CSMD2: variants seen among roughly 807,000 people sequenced by gnomAD.
CSMD2 encodes CUB and Sushi multiple domains 2.
CSMD2 carries 130 observed loss-of-function variants against 398.5 expected under a neutral mutation model. That is an observed-to-expected ratio of 0.33 (90% CI 0.28 to 0.38). The LOEUF (loss-of-function observed/expected upper bound fraction) is 0.38, where lower values mean the gene tolerates loss of function less well. Among genes scored for constraint, CSMD2 ranks in the 10% least tolerant of loss-of-function variants. The pLI, the probability that CSMD2 is intolerant of heterozygous loss-of-function variation, is 1.00. For missense variants in CSMD2, 3,829 were observed against 4,764.9 expected (o/e 0.80, Z 5.78); for synonymous variants, 1,828 against 1,908.5 (o/e 0.96, Z 1.10).
Position 34,040,665 on chromosome 1 carries a change from G to A in CSMD2, c.405-7959C>T, listed in dbSNP as rs142695938. Among the ~76,000 whole-genome samples, 884 of 152,316 alleles carry A rather than the reference G, an allele frequency of 5.8e-3. 9 individuals are homozygous for A. The highest frequency in any genetic ancestry group is 0.024 in the Middle Eastern group (7 of 294). Reference sequence around the variant, plus strand: ...TGCTGGCAGTATAGACAACAGGAGGGAGAGACATCCAGACTTGGGCTAAGT... The same window carrying A: ...TGCTGGCAGTATAGACAACAGGAGGAAGAGACATCCAGACTTGGGCTAAGT... On this transcript the variant is annotated intron_variant, in intron 2 of 70. Coordinates refer to ENST00000373381, the MANE Select transcript of CSMD2 (RefSeq NM_001281956.2).
intron 26 of CSMD2, among the ~76,000 whole-genome samples, chr1:33,661,327 T>G (rs1644125421): frequency 1.3e-5 from 2 of 152,220 alleles, no homozygotes; most frequent in Admixed American, 1.3e-4. Context: ...CCCTCCTTAC[T>G]GCTGGGAGAT....
In CSMD2 at chr1:33,625,220, A is replaced by G; in HGVS notation, c.5331T>C (p.Ser1777=). 1 of 1,613,304 alleles carries G rather than the reference A, an allele frequency of 6.2e-7. No individual in the cohort carries two copies. The highest frequency in any genetic ancestry group is 2.2e-5 in the East Asian group (1 of 44,776). ...TCTTGCCATAGCGGGGTTCCGGCACAGAGCTGCACTGCGTGGCGCTGGTTC... is the reference window on the plus strand; with the variant it reads ...TCTTGCCATAGCGGGGTTCCGGCACGGAGCTGCACTGCGTGGCGCTGGTTC... The part of the protein sequence containing the change: ...VPRTSATQCS[S]VPEPRYGKRL... Residue 1777 remains serine, a synonymous_variant, in exon 34 of 71, where the codon TCT becomes TCC. Transcript: ENST00000373381.
At chr1:33,553,699 A>G (rs1048454090) in intron 55 of CSMD2, among the ~76,000 whole-genome samples, 6 of 152,212 alleles carry the variant, frequency 3.9e-5, no homozygotes, top group Admixed American at 2.0e-4. Context: ...AATGCAAAGG[A>G]AAAGTTCCTG....
chr1:34,162,187 A>AAG (rs1641398308), intron 1 of CSMD2, among the ~76,000 whole-genome samples: 3 of 150,680 alleles, frequency 2.0e-5, no homozygotes. Context: ...AAAAAAAAAA[A>AAG]AAAAAAAGGG....
chr1:33,805,083 T>C (rs1423559098), intron 10 of CSMD2, among the ~76,000 whole-genome samples: 1 of 152,208 alleles, frequency 6.6e-6, no homozygotes, highest in Non-Finnish European at 1.5e-5. Context: ...GGAGTGACCA[T>C]ATGGAGGTCA....
chr1:34,046,884 A>G (rs1453574485), intron 2 of CSMD2, among the ~76,000 whole-genome samples: 1 of 152,130 alleles, frequency 6.6e-6, no homozygotes, highest in African/African-American at 2.4e-5. Flanking sequence ...AAATCCAGCC[A>G]GTTCTCATCA....
In CSMD2 at chr1:33,519,717, C is replaced by T. The variant is rs761947014; in HGVS notation, c.10737-40G>A. 4.3e-6 allele frequency: 7 copies of T among 1,613,496 alleles called. No homozygotes were observed. The highest frequency in any genetic ancestry group is 1.7e-5 in the Admixed American group (1 of 59,972). ...GGAAGTGCCCACGGCATGAAAAGAGCGACACAGAGAGGCTTAGGGGTCTGG... is the reference window on the plus strand; with the variant it reads ...GGAAGTGCCCACGGCATGAAAAGAGTGACACAGAGAGGCTTAGGGGTCTGG... On this transcript the variant is annotated intron_variant, in intron 69 of 70. Transcript: ENST00000373381. The surrounding 1 kb of genome is among the most constrained non-coding windows in gnomAD (Gnocchi z 5.6).
At chr1:33,909,653 A>G (rs1452459456) in intron 5 of CSMD2, among the ~76,000 whole-genome samples, 1 of 152,178 alleles carries the variant, frequency 6.6e-6, no homozygotes, top group Non-Finnish European at 1.5e-5. Flanking sequence ...GTAAGATGAC[A>G]GTGACCATAA....
chr1:34,123,522 A>G (rs1394533441), intron 1 of CSMD2, among the ~76,000 whole-genome samples: 1 of 125,186 alleles, frequency 8.0e-6, no homozygotes. Context: ...TCAAACTTAA[A>G]GGGGGGGGGT....
Position 33,726,474 on chromosome 1 carries a change from C to G in CSMD2, c.2507+73G>C, listed in dbSNP as rs998256894. 29 of 1,512,724 alleles carry G rather than the reference C, an allele frequency of 1.9e-5. No individual in the cohort carries two copies. The African/African-American group carries it at 3.6e-4, about 19-fold the overall frequency. 93.7% of individuals were successfully genotyped at this position (1,512,724 alleles called of 1,614,324 possible). On this transcript the variant is annotated intron_variant, in intron 16 of 70. Coordinates refer to ENST00000373381, the MANE Select transcript of CSMD2 (RefSeq NM_001281956.2). ...CGTTGGTACTGGTCCCCTATCCACC[C>G]TGCATTCCCTCCCACGTGGCTCTGT...
At chr1:33,963,673 T>G (rs1645451212) in intron 3 of CSMD2, among the ~76,000 whole-genome samples, 1 of 152,218 alleles carries the variant, frequency 6.6e-6, no homozygotes, top group South Asian at 2.1e-4. Flanking sequence ...AGGACTCATT[T>G]TGGTCTGACT....
chr1:33,617,445 C>A, intron 38 of CSMD2, 54 bp downstream of exon 38: 1 of 1,407,182 alleles, frequency 7.1e-7, no homozygotes, highest in South Asian at 1.2e-5. Flanking sequence ...TAAGGCTGGC[C>A]AACCACATCT....
intron 13 of CSMD2, among the ~76,000 whole-genome samples, chr1:33,771,051 T>C (rs1168858029): frequency 1.3e-5 from 2 of 152,210 alleles, no homozygotes; most frequent in Non-Finnish European, 2.9e-5. Flanking sequence ...CTTATCCTGG[T>C]CCTAAGAGGC....
chr1:33,626,524 C>T lies in CSMD2; in HGVS notation c.5258G>A (p.Gly1753Asp), dbSNP rs768009690. Residue 1753 changes from glycine (G) to aspartate (D), a missense_variant, in exon 33 of 71, where the codon GGC (glycine) becomes GAC (aspartate). Coordinates refer to ENST00000373381, the MANE Select transcript of CSMD2 (RefSeq NM_001281956.2). ...NQVLIKFSAK[G>D]LAPARGFHFV... is the part of the protein sequence containing the mutation. ...GTGGAAGCCTCTGGCTGGTGCGAGGCCTTTGGCGCTGAACTTAATGAGAAC... is the reference window on the plus strand; with the variant it reads ...GTGGAAGCCTCTGGCTGGTGCGAGGTCTTTGGCGCTGAACTTAATGAGAAC... 3 of 1,607,436 alleles carry T rather than the reference C, an allele frequency of 1.9e-6. No homozygotes were observed. Among genetic ancestry groups the T allele is most frequent in the Non-Finnish European group, 1.7e-6 (2 of 1,177,518 alleles).
intron 5 of CSMD2, among the ~76,000 whole-genome samples, chr1:33,917,659 A>AG (rs1418593490): frequency 6.6e-6 from 1 of 152,154 alleles, no homozygotes; most frequent in Non-Finnish European, 1.5e-5. Context: ...GGACCCTTGG[A>AG]GTGGGAAGAA....
intron 3 of CSMD2, among the ~76,000 whole-genome samples, chr1:33,968,137 C>T (rs895875024): frequency 6.6e-6 from 1 of 152,184 alleles, no homozygotes; most frequent in Non-Finnish European, 1.5e-5. Flanking sequence ...GTCATAGTCC[C>T]ACACTTCGGG....
chr1:33,656,979 T>C (rs1306749271), intron 27 of CSMD2, among the ~76,000 whole-genome samples: 1 of 152,122 alleles, frequency 6.6e-6, no homozygotes, highest in Non-Finnish European at 1.5e-5. Flanking sequence ...AATAGACATG[T>C]GGAAGTGGGC....
chr1:33,759,294 A>G (rs1649472849), intron 13 of CSMD2, among the ~76,000 whole-genome samples: 1 of 150,692 alleles, frequency 6.6e-6, no homozygotes, highest in African/African-American at 2.4e-5. Context: ...GGTTAATCAT[A>G]CAGAGCTTGA....
chr1:33,850,256 C>A (rs1638610631), intron 5 of CSMD2, among the ~76,000 whole-genome samples: 1 of 152,184 alleles, frequency 6.6e-6, no homozygotes, highest in Non-Finnish European at 1.5e-5. Context: ...GTTCTCCCGT[C>A]AAACAGAAGA....
Sources: allele counts gnomAD v4.1 joint callset (sites outside exome capture counted in the v4.1 genomes callset), GRCh38; gene constraint gnomAD v4.1.1; non-coding constraint Gnocchi (gnomAD v3.1); transcripts MANE v1.5; gene names NCBI Gene and HGNC (gene_info 2026-07-23, HGNC 2026-07-21).